Variants in DPP6 observed in about 807,000 individuals in gnomAD.
DPP6 encodes the protein A-type potassium channel modulatory protein DPP6.
A neutral mutation model predicts 122.6 loss-of-function variants in DPP6; 69 were observed. That is an observed-to-expected ratio of 0.56 (90% CI 0.46 to 0.69). The LOEUF (loss-of-function observed/expected upper bound fraction) is 0.69. Ranked by LOEUF, DPP6 falls within the 30% of genes least tolerant of loss-of-function variation. The probability of loss-of-function intolerance (pLI) is 0.00; values close to 1 mark genes in which losing one functional copy is unlikely to be tolerated. For synonymous variants in DPP6, 418 were observed against 433.1 expected, an observed-to-expected ratio of 0.97 and a Z score of 0.43; for missense variants, 928 against 1,116.9, an observed-to-expected ratio of 0.83 and a Z score of 2.41.
chr7:154,239,134 G>T (rs866151065), intron 1 of DPP6, among the ~76,000 whole-genome samples: 7 of 152,290 alleles, frequency 4.6e-5, no homozygotes, highest in Middle Eastern at 3.4e-3. Flanking sequence ...AGGGGAAAAT[G>T]GTCAGGGCCA....
intron 16 of DPP6, among the ~76,000 whole-genome samples, chr7:154,817,693 A>T (rs929821021): frequency 6.6e-6 from 1 of 152,154 alleles, no homozygotes; most frequent in African/African-American, 2.4e-5. Flanking sequence ...GTGATTAATG[A>T]CATGAGCATC....
the DPP6 span, among the ~76,000 whole-genome samples, chr7:153,875,970 T>G: frequency 1.4e-5 from 2 of 143,450 alleles, no homozygotes; most frequent in African/African-American, 5.1e-5. Flanking sequence ...GTTGAATACA[T>G]GCAAGCAGTA....
At chr7:154,126,392 G>C (rs1807888383) in intron 1 of DPP6, among the ~76,000 whole-genome samples, 1 of 152,124 alleles carries the variant, frequency 6.6e-6, no homozygotes, top group Non-Finnish European at 1.5e-5. Context: ...TTCACATTGA[G>C]ACAGATGAAA....
rs867920527 is a variant in DPP6, at chr7:154,872,713, T to A, written c.1883+20T>A. 1.9e-6 allele frequency: 3 copies of A among 1,583,598 alleles called. No individual in the cohort carries two copies. The highest frequency in any genetic ancestry group is 1.7e-4 in the Middle Eastern group (1 of 6,056). Reference sequence around the variant, plus strand: ...GGTGGTGTAAGTATCGTCACATCTGTCTTTCCCTGGTGCTCGTTCTGGGGC... The same window carrying A: ...GGTGGTGTAAGTATCGTCACATCTGACTTTCCCTGGTGCTCGTTCTGGGGC... On this transcript the variant is annotated intron_variant, in intron 19 of 25. Coordinates refer to ENST00000377770, the MANE Select transcript of DPP6 (RefSeq NM_130797.4).
intron 1 of DPP6, among the ~76,000 whole-genome samples, chr7:154,013,458 C>CTTTTTT (rs776460630): frequency 7.9e-5 from 10 of 127,336 alleles, no homozygotes; most frequent in South Asian, 5.0e-4. Context: ...GGTTTCTTTT[C>CTTTTTT]TTTTTTTTTT....
At chr7:154,479,887 C>T (rs1281094258) in intron 3 of DPP6, among the ~76,000 whole-genome samples, 1 of 152,060 alleles carries the variant, frequency 6.6e-6, no homozygotes, top group Admixed American at 6.5e-5. Flanking sequence ...ACCTTCTCTG[C>T]CCAACCCTGC....
intron 16 of DPP6, among the ~76,000 whole-genome samples, chr7:154,826,825 C>T (rs1446585930): frequency 1.3e-5 from 2 of 152,176 alleles, no homozygotes; most frequent in African/African-American, 2.4e-5. Context: ...TGAGCAGAGA[C>T]GTCTGGCTAA....
intron 1 of DPP6, among the ~76,000 whole-genome samples, chr7:153,937,119 G>A (rs912531731): frequency 3.3e-5 from 5 of 152,122 alleles, no homozygotes; most frequent in African/African-American, 4.8e-5. Flanking sequence ...GAACCAGGGC[G>A]GCTATGAGGA....
chr7:154,759,143 C>G (rs1017637963), intron 8 of DPP6, among the ~76,000 whole-genome samples: 2 of 152,158 alleles, frequency 1.3e-5, no homozygotes, highest in Non-Finnish European at 2.9e-5. Flanking sequence ...CCCCCTGGTG[C>G]GAATTCACCC....
chr7:154,117,751 T>C (rs981617760), intron 1 of DPP6, among the ~76,000 whole-genome samples: 7 of 151,056 alleles, frequency 4.6e-5, no homozygotes, highest in South Asian at 2.1e-4. Flanking sequence ...TGCCCAGTGG[T>C]GTGGGTGGGA....
chr7:154,796,832 G>A (rs1253675694), intron 12 of DPP6, among the ~76,000 whole-genome samples: 6 of 152,196 alleles, frequency 3.9e-5, no homozygotes, highest in East Asian at 1.9e-4. Context: ...TATCTCAGAA[G>A]TCAGAGCCTC....
intron 1 of DPP6, among the ~76,000 whole-genome samples, chr7:154,365,446 C>A (rs1812071845): frequency 6.6e-6 from 1 of 152,146 alleles, no homozygotes; most frequent in South Asian, 2.1e-4. Context: ...TCCATTGTGT[C>A]CTGTTTTCTA....
chr7:153,978,051 T>G (rs954824797), intron 1 of DPP6, among the ~76,000 whole-genome samples: 1 of 152,218 alleles, frequency 6.6e-6, no homozygotes, highest in Non-Finnish European at 1.5e-5. Flanking sequence ...TGATTTATAA[T>G]CCTTTGGGTA....
intron 1 of DPP6, among the ~76,000 whole-genome samples, chr7:154,194,780 G>C (rs889136939): frequency 6.6e-6 from 1 of 152,100 alleles, no homozygotes; most frequent in Non-Finnish European, 1.5e-5. Context: ...GTCTTCTTTG[G>C]TAAAATACCT....
intron 1 of DPP6, among the ~76,000 whole-genome samples, chr7:154,234,227 C>G (rs931277089): frequency 6.6e-6 from 1 of 152,152 alleles, no homozygotes. Context: ...CTTCCTCATT[C>G]AGGTAGCTTT....
chr7:154,218,548 G>A (rs887495057), intron 1 of DPP6, among the ~76,000 whole-genome samples: 1 of 152,172 alleles, frequency 6.6e-6, no homozygotes, highest in Non-Finnish European at 1.5e-5. Flanking sequence ...GTTTCTTAAT[G>A]TATTTGATAG....
At chr7:154,209,642 G>A (rs1799635512) in intron 1 of DPP6, among the ~76,000 whole-genome samples, 1 of 151,896 alleles carries the variant, frequency 6.6e-6, no homozygotes, top group African/African-American at 2.4e-5. Flanking sequence ...AATCTCTTAA[G>A]TGTAAAGAAG....
intron 3 of DPP6, among the ~76,000 whole-genome samples, chr7:154,480,661 T>C (rs1231451972): frequency 1.3e-5 from 2 of 152,180 alleles, no homozygotes; most frequent in African/African-American, 2.4e-5. Context: ...CTTATAGTTT[T>C]AAATATCCTC....
At chr7:154,882,495 G>A (rs974442357) in intron 21 of DPP6, among the ~76,000 whole-genome samples, 6 of 152,120 alleles carry the variant, frequency 3.9e-5, no homozygotes, top group South Asian at 4.1e-4. Context: ...GGCATGTTGC[G>A]GCCTGTCCAT....
Sources: allele counts gnomAD v4.1 joint callset (sites outside exome capture counted in the v4.1 genomes callset), GRCh38; gene constraint gnomAD v4.1.1; transcripts MANE v1.5; gene names NCBI Gene and HGNC (gene_info 2026-07-23, HGNC 2026-07-21).